The following ATF2 variants were observed in gnomAD, a reference collection of about 807,000 sequenced individuals.
ATF2 encodes the protein activating transcription factor 2, also known as cyclic AMP-dependent transcription factor ATF-2.
ATF2 carries 24 observed loss-of-function variants against 60.6 expected under a neutral mutation model. That is an observed-to-expected ratio of 0.40 (90% CI 0.29 to 0.56). ATF2 has a LOEUF of 0.56. Ranked by LOEUF, ATF2 falls within the 20% of genes least tolerant of loss-of-function variation. The probability of loss-of-function intolerance (pLI) is 0.54; values close to 1 mark genes in which losing one functional copy is unlikely to be tolerated. For synonymous variants in ATF2, 206 were observed against 215.4 expected (o/e 0.96, Z 0.38); for missense variants, 433 against 607.7 (o/e 0.71, Z 3.02).
At chr2:175,097,874 GGT>G (rs904539753) in intron 10 of ATF2, among the ~76,000 whole-genome samples, 25 of 152,164 alleles carry the variant, frequency 1.6e-4, no homozygotes, top group African/African-American at 5.8e-4. Context: ...CCTACAGCTG[GGT>G]TTGTCTCTCT....
At chr2:175,112,207 G>A (rs575394553) in intron 9 of ATF2, among the ~76,000 whole-genome samples, 1 of 151,820 alleles carries the variant, frequency 6.6e-6, no homozygotes, top group East Asian at 1.9e-4. Context: ...TATAAATAAA[G>A]CATATCTTTT....
chr2:175,149,123 A>T (rs1054794420), intron 2 of ATF2, among the ~76,000 whole-genome samples: 8 of 152,172 alleles, frequency 5.3e-5, no homozygotes, highest in Non-Finnish European at 1.2e-4. Flanking sequence ...GAGATATCCA[A>T]ATCTTGAAAG....
chr2:175,113,506 C>CT (rs1352966322), intron 9 of ATF2, among the ~76,000 whole-genome samples: 7 of 152,232 alleles, frequency 4.6e-5, no homozygotes, highest in Admixed American at 4.6e-4. Flanking sequence ...CCTCAAAAAA[C>CT]TTTTTTGCGG....
At chr2:175,155,105 G>A (rs1407902806) in intron 1 of ATF2, among the ~76,000 whole-genome samples, 2 of 152,062 alleles carry the variant, frequency 1.3e-5, no homozygotes, top group Non-Finnish European at 1.5e-5. Flanking sequence ...GCTTTCCAAG[G>A]GATACTTGAG....
At chr2:175,126,863 G>A (rs1574431735) in intron 4 of ATF2, 1 of 152,204 alleles carries the variant, frequency 6.6e-6, no homozygotes, top group East Asian at 1.9e-4. Flanking sequence ...CAAGTTGTTT[G>A]TTCACTCCAA....
At chr2:175,125,700 C>T (rs1049462560) in intron 4 of ATF2, among the ~76,000 whole-genome samples, 1 of 152,092 alleles carries the variant, frequency 6.6e-6, no homozygotes, top group Admixed American at 6.6e-5. Context: ...ATAGTGGAAT[C>T]AGACATGCTC....
intron 9 of ATF2, among the ~76,000 whole-genome samples, chr2:175,113,187 A>C (rs1327948218): frequency 6.6e-6 from 1 of 152,150 alleles, no homozygotes; most frequent in Non-Finnish European, 1.5e-5. Flanking sequence ...AAACTGTTTT[A>C]TGTAATGTAA....
rs899358326 is a variant in ATF2, at chr2:175,082,834, C to T, written c.1186-2069G>A. ...TCTTTATCCCCTCTTCTTTGTCTTG[C>T]TAAATATTTTATTTAAGTGTCAACT... On this transcript the variant is annotated intron_variant, in intron 12 of 13. Transcript: ENST00000264110. 5.3e-5 allele frequency among the ~76,000 whole-genome samples: 8 copies of T among 152,130 alleles called. No homozygotes were observed. The South Asian group carries it at 6.2e-4, about 12-fold the overall frequency.
chr2:175,099,210 T>C (rs969650136), intron 10 of ATF2, among the ~76,000 whole-genome samples: 3 of 151,790 alleles, frequency 2.0e-5, no homozygotes, highest in Admixed American at 2.0e-4. Context: ...TTCAAGCAAT[T>C]CTCCTGCCTT....
At chr2:175,085,551 C>CAT (rs55859741) in intron 12 of ATF2, among the ~76,000 whole-genome samples, 2 of 72,786 alleles carry the variant, frequency 2.7e-5, no homozygotes, top group African/African-American at 4.4e-5. Flanking sequence ...AAATACATAA[C>CAT]ATACACACAC....
chr2:175,095,954 A>ATCAC (rs2105602591), intron 11 of ATF2, among the ~76,000 whole-genome samples: 1 of 152,340 alleles, frequency 6.6e-6, no homozygotes, highest in Admixed American at 6.5e-5. Flanking sequence ...CATATACACA[A>ATCAC]TCACTCAGCC....
intron 11 of ATF2, among the ~76,000 whole-genome samples, chr2:175,096,905 A>G (rs1694972812): frequency 6.6e-6 from 1 of 152,218 alleles, no homozygotes; most frequent in Admixed American, 6.5e-5. Context: ...CTTTGGTTAC[A>G]TAGGAGAACA....
intron 4 of ATF2, among the ~76,000 whole-genome samples, chr2:175,128,276 G>A (rs1697485829): frequency 2.6e-5 from 4 of 152,126 alleles, no homozygotes; most frequent in Non-Finnish European, 2.9e-5. Flanking sequence ...CGAGGCAGGC[G>A]GATCACCTGA....
intron 12 of ATF2, among the ~76,000 whole-genome samples, chr2:175,089,758 C>T (rs150632739): frequency 2.4e-4 from 37 of 152,220 alleles, no homozygotes; most frequent in African/African-American, 8.2e-4. Context: ...AATATATTGA[C>T]TTGAAGCAAT....
chr2:175,158,234 ATTTTTTTTT>A (rs34664149), intron 1 of ATF2, among the ~76,000 whole-genome samples: 4 of 132,712 alleles, frequency 3.0e-5, no homozygotes, highest in African/African-American at 1.1e-4. Context: ...TGAATTCAGG[ATTTTTTTTT>A]TTTTTTTTTT....
In ATF2 at chr2:175,130,123, T is replaced by A; in HGVS notation, c.102+15A>T. ...TGGAAATATACAAAATAATTTAAAG[T>A]AATTTATATATTACCTGGCCACATC... On this transcript the variant is annotated intron_variant, in intron 4 of 13. Transcript: ENST00000264110. The A allele has an allele frequency of 6.5e-7, 1 of 1,528,742 alleles. No homozygotes were observed. The highest frequency in any genetic ancestry group is 8.9e-7 in the Non-Finnish European group (1 of 1,126,610). 94.7% of individuals were successfully genotyped at this position (1,528,742 alleles called of 1,614,324 possible).
intron 2 of ATF2, among the ~76,000 whole-genome samples, chr2:175,143,985 G>A (rs1011745250): frequency 2.6e-5 from 4 of 151,992 alleles, no homozygotes; most frequent in Non-Finnish European, 5.9e-5. Flanking sequence ...GTAGAGACAG[G>A]ATCTCCCTAT....
At position 175,162,559 on chromosome 2, in the gene ATF2, T is replaced by C. The variant is rs183575065; in HGVS notation, c.-143+5491A>G. ...ATGCACAGAGATGTTCAATTCAATG[T>C]CAAAATAGGCATAAACTGAAAACTA... On this transcript the variant is annotated intron_variant, in intron 1 of 13. Transcript: ENST00000264110. 4.0e-3 allele frequency among the ~76,000 whole-genome samples: 603 copies of C among 152,328 alleles called. 1 individual carries two copies. The highest frequency in any genetic ancestry group is 5.8e-3 in the South Asian group (28 of 4,832).
At position 175,132,583 on chromosome 2, in the gene ATF2, A is replaced by G. The variant is rs73973697; in HGVS notation, c.33-2376T>C. 152 of 152,330 alleles carry G rather than the reference A, an allele frequency of 1.0e-3. 1 individual carries two copies. Among genetic ancestry groups the G allele is most frequent in the African/African-American group, 3.6e-3 (149 of 41,582 alleles). The allele number at this position is 152,330 out of a possible 1,614,324, so 9.4% of individuals were successfully genotyped here. Reference sequence around the variant, plus strand: ...GTCATAAGAAATAACCTTGCCAGGTATCTAAGTTCAGTGGCTTTATAAGAA... The same window carrying G: ...GTCATAAGAAATAACCTTGCCAGGTGTCTAAGTTCAGTGGCTTTATAAGAA... On this transcript the variant is annotated intron_variant, in intron 3 of 13. Transcript: ENST00000264110.
Sources: allele counts gnomAD v4.1 joint callset (sites outside exome capture counted in the v4.1 genomes callset), GRCh38; gene constraint gnomAD v4.1.1; transcripts MANE v1.5; gene names NCBI Gene and HGNC (gene_info 2026-07-23, HGNC 2026-07-21).